Variants in FUT8 observed in about 807,000 individuals in gnomAD.
The protein encoded by FUT8 is fucosyltransferase 8.
Under a neutral mutation model 71.3 loss-of-function variants are expected in FUT8, and 29 were observed. The observed-to-expected ratio is 0.41, with a 90% confidence interval of 0.30 to 0.55. The LOEUF (loss-of-function observed/expected upper bound fraction) is 0.55, where lower values mean the gene tolerates loss of function less well. Among genes scored for constraint, FUT8 ranks in the 20% least tolerant of loss-of-function variants. The pLI is 0.34. For synonymous variants in FUT8, 254 were observed against 239.3 expected (o/e 1.06, Z -0.57); for missense variants, 544 against 702.1 (o/e 0.77, Z 2.55).
intron 2 of FUT8, among the ~76,000 whole-genome samples, chr14:65,556,361 C>T (rs931259324): frequency 2.6e-5 from 4 of 152,050 alleles, no homozygotes; most frequent in Non-Finnish European, 5.9e-5. Context: ...TGGTCATTGG[C>T]GGGATTCAAC....
intron 2 of FUT8, among the ~76,000 whole-genome samples, chr14:65,465,339 C>CT (rs2066027062): frequency 6.6e-6 from 1 of 152,032 alleles, no homozygotes; most frequent in African/African-American, 2.4e-5. Context: ...TATTTACTTA[C>CT]TTACTTACTT....
the FUT8 span, among the ~76,000 whole-genome samples, chr14:65,384,085 C>T: frequency 6.7e-6 from 1 of 148,658 alleles, no homozygotes; most frequent in African/African-American, 2.4e-5. This position sits in a 1 kb window ranked among gnomAD's most constrained non-coding sequence, Gnocchi z 4.2. Context: ...GTGTCTTTCA[C>T]TGGCCAAACT....
At chr14:65,717,666 CCA>C (rs1219400425) in intron 7 of FUT8, among the ~76,000 whole-genome samples, 2 of 149,982 alleles carry the variant, frequency 1.3e-5, no homozygotes, top group East Asian at 4.0e-4. Flanking sequence ...TCCCCATTTC[CCA>C]GACGGGGCGG....
At chr14:65,591,521 G>T (rs1015538150) in intron 3 of FUT8, among the ~76,000 whole-genome samples, 1 of 152,148 alleles carries the variant, frequency 6.6e-6, no homozygotes, top group Non-Finnish European at 1.5e-5. Flanking sequence ...CCTCCCTGGG[G>T]TTTTGTGTAG....
chr14:65,502,716 C>G (rs2066666220), intron 2 of FUT8, among the ~76,000 whole-genome samples: 1 of 152,150 alleles, frequency 6.6e-6, no homozygotes, highest in Non-Finnish European at 1.5e-5. Flanking sequence ...TGCTTATTAG[C>G]CAAACAGTGG....
chr14:65,739,170 G>C (rs1485020847), intron 10 of FUT8, among the ~76,000 whole-genome samples: 3 of 152,024 alleles, frequency 2.0e-5, no homozygotes, highest in African/African-American at 7.2e-5. Context: ...GGTGAGGGAA[G>C]AGCACACTAT....
intron 1 of FUT8, among the ~76,000 whole-genome samples, chr14:65,441,213 A>G (rs1028717658): frequency 3.3e-5 from 5 of 152,078 alleles, no homozygotes; most frequent in African/African-American, 1.2e-4. Context: ...TCCCTACTTG[A>G]TATATGGAGA....
chr14:65,642,415 C>T (rs1405130417), intron 6 of FUT8, among the ~76,000 whole-genome samples: 1 of 151,918 alleles, frequency 6.6e-6, no homozygotes, highest in Admixed American at 6.6e-5. Flanking sequence ...CCAGCCTGGC[C>T]AACATGGTAA....
At chr14:65,468,224 C>T in intron 2 of FUT8, 3 of 626,238 alleles carry the variant, frequency 4.8e-6, no homozygotes, top group Non-Finnish European at 9.1e-6. Context: ...CCCTTGATGT[C>T]TACAATATCA....
the FUT8 span, among the ~76,000 whole-genome samples, chr14:65,367,788 A>G: frequency 6.6e-6 from 1 of 151,992 alleles, no homozygotes; most frequent in Non-Finnish European, 1.5e-5. Context: ...TTACCCACCA[A>G]ATCCTGCAAA....
At chr14:65,469,674 C>T (rs894756073) in intron 2 of FUT8, among the ~76,000 whole-genome samples, 6 of 152,182 alleles carry the variant, frequency 3.9e-5, no homozygotes, top group Admixed American at 1.3e-4. Context: ...GTGTTCAGCT[C>T]TCAGCAGAGA....
At chr14:65,438,696 C>T (rs1001880753) in intron 1 of FUT8, among the ~76,000 whole-genome samples, 9 of 152,288 alleles carry the variant, frequency 5.9e-5, no homozygotes, top group East Asian at 1.9e-4. Context: ...GCTGAACCCA[C>T]GATCCTTCAC....
Position 65,526,658 on chromosome 14 carries a change from C to T in FUT8, c.-227-34679C>T, listed in dbSNP as rs139503372. On this transcript the variant is annotated intron_variant, in intron 2 of 10. Transcript: ENST00000673929. ...AGTTGATGCAGTTTCTTCCTGGTATCGATGGTCTTTACAATTTGGCATGTT... is the reference window on the plus strand; with the variant it reads ...AGTTGATGCAGTTTCTTCCTGGTATTGATGGTCTTTACAATTTGGCATGTT... 1.3e-3 allele frequency among the ~76,000 whole-genome samples: 205 copies of T among 152,214 alleles called. 1 individual carries two copies. In the South Asian group the frequency reaches 0.019, roughly 14 times the overall value.
chr14:65,550,448 A>G lies in FUT8; in HGVS notation c.-227-10889A>G, dbSNP rs1885225592. Among the ~76,000 whole-genome samples, 1 of 152,228 alleles carries G rather than the reference A, an allele frequency of 6.6e-6. No homozygotes were observed. The highest frequency in any genetic ancestry group is 2.1e-4 in the South Asian group (1 of 4,832). On this transcript the variant is annotated intron_variant, in intron 2 of 10. Coordinates refer to ENST00000673929, the MANE Select transcript of FUT8 (RefSeq NM_001371533.1). The surrounding 1 kb of genome is among the most constrained non-coding windows in gnomAD (Gnocchi z 4.5). ...ACTATTTTGTAATGAAGTGTTGAAT[A>G]TTTTGTAATTTATTGAATACTTTAC... is the stretch of plus-strand genomic sequence containing the variant.
At chr14:65,583,146 C>T (rs1188940014) in intron 3 of FUT8, among the ~76,000 whole-genome samples, 1 of 151,950 alleles carries the variant, frequency 6.6e-6, no homozygotes, top group East Asian at 1.9e-4. Flanking sequence ...TCAAAGTACA[C>T]CTTTTGGGTT....
intron 9 of FUT8, among the ~76,000 whole-genome samples, chr14:65,728,654 T>A (rs757228962): frequency 4.6e-4 from 69 of 150,614 alleles, no homozygotes; most frequent in Admixed American, 8.0e-4. Context: ...ATTATAAAAC[T>A]ATACTTTTAC....
At chr14:65,591,591 G>C (rs1267483555) in intron 3 of FUT8, among the ~76,000 whole-genome samples, 1 of 152,140 alleles carries the variant, frequency 6.6e-6, no homozygotes, top group Non-Finnish European at 1.5e-5. Flanking sequence ...TAAGTTATTA[G>C]AGGTAAGATA....
At chr14:65,586,960 G>A (rs924640074) in intron 3 of FUT8, among the ~76,000 whole-genome samples, 4 of 151,954 alleles carry the variant, frequency 2.6e-5, no homozygotes, top group Non-Finnish European at 4.4e-5. Flanking sequence ...AGGCCGAGGC[G>A]GGTGGATCAC....
At chr14:65,440,853 A>G (rs1320017390) in intron 1 of FUT8, among the ~76,000 whole-genome samples, 2 of 152,214 alleles carry the variant, frequency 1.3e-5, no homozygotes, top group Non-Finnish European at 2.9e-5. Context: ...GGGAAAAGCT[A>G]AAGCATAGTC....
Sources: gnomAD v4.1 joint callset for allele counts (sites outside exome capture counted in the v4.1 genomes callset) on GRCh38, gnomAD v4.1.1 for gene constraint, Gnocchi (gnomAD v3.1) non-coding constraint, MANE v1.5 for transcripts, NCBI Gene and HGNC (gene_info 2026-07-23, HGNC 2026-07-21) for gene names.